Variants in TNR observed in about 807,000 individuals in gnomAD.
The protein encoded by TNR is tenascin R, also known as tenascin-R.
In TNR, 45 loss-of-function variants were observed where a neutral mutation model predicts 150.4. The ratio of observed to expected loss-of-function variants is 0.30; its 90% confidence interval spans 0.24 to 0.38. TNR has a LOEUF of 0.38. TNR is among the 10% of genes least tolerant of loss of function. The pLI, the probability that TNR is intolerant of heterozygous loss-of-function variation, is 1.00. For missense variants in TNR, 1,544 were observed against 1,759.1 expected (o/e 0.88, Z 2.19); for synonymous variants, 687 against 678.4 (o/e 1.01, Z -0.20).
At chr1:175,402,726 C>T (rs1653771817) in intron 4 of TNR, among the ~76,000 whole-genome samples, 1 of 152,196 alleles carries the variant, frequency 6.6e-6, no homozygotes, top group African/African-American at 2.4e-5. Context: ...TGGAATATGG[C>T]AACTGGTGAG....
chr1:175,678,133 C>A (rs1454345997), intron 1 of TNR, among the ~76,000 whole-genome samples: 1 of 152,202 alleles, frequency 6.6e-6, no homozygotes, highest in Non-Finnish European at 1.5e-5. Context: ...CCAGCCCCAG[C>A]CTGGTACACA....
intron 5 of TNR, among the ~76,000 whole-genome samples, chr1:175,394,936 G>A (rs1430979905): frequency 6.6e-6 from 1 of 152,170 alleles, no homozygotes; most frequent in Non-Finnish European, 1.5e-5. Flanking sequence ...TTGGGAGTTA[G>A]GCCAGGCACT....
intron 2 of TNR, among the ~76,000 whole-genome samples, chr1:175,448,151 C>T (rs897650404): frequency 6.6e-6 from 1 of 152,126 alleles, no homozygotes; most frequent in East Asian, 1.9e-4. Context: ...GGTGAGCCCC[C>T]GAGCCCTGGT....
intron 1 of TNR, among the ~76,000 whole-genome samples, chr1:175,548,093 C>T (rs535423015): frequency 1.3e-5 from 2 of 152,290 alleles, no homozygotes; most frequent in Admixed American, 1.3e-4. Flanking sequence ...GCTAGGTCCT[C>T]GTTGAGTCCA....
At chr1:175,510,536 G>A (rs527389272) in intron 2 of TNR, among the ~76,000 whole-genome samples, 9 of 152,248 alleles carry the variant, frequency 5.9e-5, no homozygotes, top group South Asian at 2.1e-4. Context: ...GATGGAGGTC[G>A]TTGTACCAGG....
intron 1 of TNR, among the ~76,000 whole-genome samples, chr1:175,671,462 C>A (rs972968083): frequency 3.3e-5 from 5 of 152,172 alleles, no homozygotes; most frequent in African/African-American, 1.2e-4. Context: ...CCATTTAGTA[C>A]CCCTGGCACT....
chr1:175,444,629 A>T (rs1249386413), intron 2 of TNR, among the ~76,000 whole-genome samples: 1 of 152,222 alleles, frequency 6.6e-6, no homozygotes, highest in Non-Finnish European at 1.5e-5. Flanking sequence ...TATGGCTAGA[A>T]TTACAGTGTA....
At chr1:175,528,873 C>G (rs1291818186) in intron 1 of TNR, among the ~76,000 whole-genome samples, 1 of 152,204 alleles carries the variant, frequency 6.6e-6, no homozygotes, top group East Asian at 1.9e-4. Context: ...ACTCCCAACT[C>G]TTCAGGGTCA....
intron 1 of TNR, among the ~76,000 whole-genome samples, chr1:175,714,628 ATTGT>A (rs1667105359): frequency 6.6e-6 from 1 of 152,058 alleles, no homozygotes; most frequent in African/African-American, 2.4e-5. Context: ...CCTTCCTGGG[ATTGT>A]TTATCTCTCT....
intron 18 of TNR, among the ~76,000 whole-genome samples, chr1:175,338,281 A>G (rs907217666): frequency 2.6e-5 from 4 of 152,254 alleles, no homozygotes; most frequent in African/African-American, 9.6e-5. Context: ...GCCATGTTTT[A>G]CAGTTCAGTT....
At chr1:175,742,626 C>T (rs574634750) in intron 1 of TNR, among the ~76,000 whole-genome samples, 11 of 152,154 alleles carry the variant, frequency 7.2e-5, no homozygotes, top group South Asian at 4.1e-4. Flanking sequence ...TGCCCACTTA[C>T]CATGGGTTCA....
intron 1 of TNR, among the ~76,000 whole-genome samples, chr1:175,688,477 T>A (rs1666265058): frequency 6.6e-6 from 1 of 152,210 alleles, no homozygotes; most frequent in Non-Finnish European, 1.5e-5. Flanking sequence ...AATGAATGAA[T>A]GAACAAATGA....
At chr1:175,666,163 C>G (rs560305206) in intron 1 of TNR, among the ~76,000 whole-genome samples, 3 of 152,296 alleles carry the variant, frequency 2.0e-5, no homozygotes, top group African/African-American at 2.4e-5. Flanking sequence ...ACCCATTATA[C>G]AGATGAGAAC....
intron 17 of TNR, among the ~76,000 whole-genome samples, chr1:175,355,061 AT>A (rs1269462071): frequency 1.3e-5 from 2 of 152,232 alleles, no homozygotes; most frequent in African/African-American, 4.8e-5. Flanking sequence ...ATCAAGAGGC[AT>A]AAAAGCCTAT....
In TNR at chr1:175,678,410, T is replaced by G. The variant is rs186593353; in HGVS notation, c.-165+64816A>C. ...TTTTTTTAAAATACACAGCCACTTT[T>G]GAAAACCACCACTTTATCTCATGCC... is the stretch of plus-strand genomic sequence containing the variant. On this transcript the variant is annotated intron_variant, in intron 1 of 22. Transcript: ENST00000367674. Among the ~76,000 whole-genome samples, 359 of 152,346 alleles carry G rather than the reference T, an allele frequency of 2.4e-3. 2 individuals carry two copies. The highest frequency in any genetic ancestry group is 8.2e-3 in the African/African-American group (340 of 41,578).
chr1:175,358,746 A>G (rs1044434156), intron 15 of TNR, among the ~76,000 whole-genome samples: 1 of 152,210 alleles, frequency 6.6e-6, no homozygotes, highest in East Asian at 1.9e-4. Context: ...TCAACTTCAA[A>G]TGGTGTAAGG....
intron 1 of TNR, among the ~76,000 whole-genome samples, chr1:175,563,779 C>A (rs1012741995): frequency 6.6e-6 from 1 of 152,192 alleles, no homozygotes; most frequent in Non-Finnish European, 1.5e-5. Flanking sequence ...ATTGTCCTCA[C>A]ACACACTCTC....
intron 1 of TNR, among the ~76,000 whole-genome samples, 154 bp from the exon 2 acceptor site, chr1:175,528,523 T>C (rs1346276049): frequency 6.6e-6 from 1 of 152,252 alleles, no homozygotes; most frequent in African/African-American, 2.4e-5. Flanking sequence ...GTTGCTTAGT[T>C]GCTTTTTCTC....
At position 175,599,718 on chromosome 1, in the gene TNR, A is replaced by T. The variant is rs112683286; in HGVS notation, c.-164-71349T>A. On this transcript the variant is annotated intron_variant, in intron 1 of 22. Coordinates refer to ENST00000367674, the MANE Select transcript of TNR (RefSeq NM_003285.3). The surrounding 1 kb of genome is among the most constrained non-coding windows in gnomAD (Gnocchi z 4.7). The stretch of plus-strand genomic sequence containing the variant: ...GGGCCAGGTGGAGCGGGGTCTGCAA[A>T]CAGCCCAGGCTTTTCGTGAGACCCA... 8.3e-3 allele frequency among the ~76,000 whole-genome samples: 1,257 copies of T among 152,342 alleles called. 7 individuals carry two copies. The highest frequency in any genetic ancestry group is 0.031 in the East Asian group (163 of 5,188).
Sources: gnomAD v4.1 joint callset for allele counts (sites outside exome capture counted in the v4.1 genomes callset) on GRCh38, gnomAD v4.1.1 for gene constraint, Gnocchi (gnomAD v3.1) non-coding constraint, MANE v1.5 for transcripts, NCBI Gene and HGNC (gene_info 2026-07-23, HGNC 2026-07-21) for gene names.